Variants in PAK1 observed in about 807,000 individuals in gnomAD.
PAK1 encodes serine/threonine-protein kinase PAK 1.
Under a neutral mutation model 67.4 loss-of-function variants are expected in PAK1, and 29 were observed. The ratio of observed to expected loss-of-function variants is 0.43; its 90% CI spans 0.32 to 0.59. The LOEUF is 0.59. PAK1 is among the 20% of genes least tolerant of loss of function. The pLI is 0.07. For missense variants in PAK1, 337 were observed against 670.7 expected (o/e 0.50, Z 5.50); for synonymous variants, 223 against 237.4 (o/e 0.94, Z 0.56).
intron 1 of PAK1, among the ~76,000 whole-genome samples, chr11:77,427,618 T>C (rs1955618927): frequency 6.6e-6 from 1 of 152,126 alleles, no homozygotes; most frequent in African/African-American, 2.4e-5. Context: ...CCTTGACAAG[T>C]TCCATCAGCA....
intron 1 of PAK1, among the ~76,000 whole-genome samples, chr11:77,446,055 C>T (rs1956583802): frequency 6.6e-6 from 1 of 152,206 alleles, no homozygotes; most frequent in Admixed American, 6.5e-5. Context: ...CACTAGTCTG[C>T]AAGCTTCTCC....
intron 1 of PAK1, among the ~76,000 whole-genome samples, chr11:77,434,050 T>C (rs1244087356): frequency 6.6e-6 from 1 of 152,170 alleles, no homozygotes; most frequent in African/African-American, 2.4e-5. Flanking sequence ...AAATGTAAAA[T>C]GGTACAGCCC....
At chr11:77,413,969 ATCC>A (rs1207496028) in intron 1 of PAK1, among the ~76,000 whole-genome samples, 3 of 152,162 alleles carry the variant, frequency 2.0e-5, no homozygotes, top group African/African-American at 7.2e-5. Flanking sequence ...CCCATGCAGC[ATCC>A]TCTTATAGAT....
chr11:77,323,132 AAGGATCAAAGTCTTG>A lies in PAK1; in HGVS notation c.*127_*141del. The A allele has an allele frequency of 6.6e-7, 1 of 1,506,450 alleles. No homozygotes were observed. Among genetic ancestry groups the A allele is most frequent in the Admixed American group, 2.0e-5 (1 of 50,978 alleles). The allele number at this position is 1,506,450 out of a possible 1,614,324, so 93.3% of individuals were successfully genotyped here. On this transcript the variant is annotated 3_prime_UTR_variant, in exon 15 of 15. Transcript: ENST00000356341. ...CTTCAATGCTGGACACACGGTTTCC[AAGGATCAAAGTCTTG>A]AGGAGTGCTAGATCAGGAAATGGGA...
At position 77,355,861 on chromosome 11, in the gene PAK1, AT is replaced by A; in HGVS notation, c.598-20del. 6.2e-7 allele frequency: 1 copy of A among 1,608,700 alleles called. No individual in the cohort carries two copies. Among genetic ancestry groups the A allele is most frequent in the Non-Finnish European group, 8.5e-7 (1 of 1,175,780 alleles). ...TGTATACCTGCATTATTAGTGCAAA[AT>A]TTTGGCAAGACCAGCCTTTGTTAGC... On this transcript the variant is annotated intron_variant, in intron 6 of 14. Transcript: ENST00000356341.
chr11:77,431,364 T>C (rs1250726735), intron 1 of PAK1, among the ~76,000 whole-genome samples: 1 of 152,168 alleles, frequency 6.6e-6, no homozygotes, highest in East Asian at 1.9e-4. Flanking sequence ...AATAGAAGTG[T>C]TATTCTCTAA....
chr11:77,459,930 T>G (rs1396215104), intron 1 of PAK1, among the ~76,000 whole-genome samples: 1 of 151,786 alleles, frequency 6.6e-6, no homozygotes, highest in Non-Finnish European at 1.5e-5. Context: ...TCTCCTGACC[T>G]CGTGATCCGC....
At chr11:77,443,262 C>T (rs971827504) in intron 1 of PAK1, among the ~76,000 whole-genome samples, 2 of 150,204 alleles carry the variant, frequency 1.3e-5, no homozygotes, top group Admixed American at 6.6e-5. Flanking sequence ...TTGCAGTGAG[C>T]CGTGATCACT....
At chr11:77,521,585 C>G in the PAK1 span, among the ~76,000 whole-genome samples, 2 of 151,756 alleles carry the variant, frequency 1.3e-5, no homozygotes, top group African/African-American at 2.4e-5. Flanking sequence ...TATCATAAAC[C>G]GAATGTTAAG....
In PAK1 at chr11:77,322,673, G is replaced by A. The variant is rs576726765; in HGVS notation, c.*601C>T. The A allele has an allele frequency of 1.6e-5, 4 of 248,152 alleles. No homozygotes were observed. Among genetic ancestry groups the A allele is most frequent in the East Asian group, 6.3e-5 (1 of 15,946 alleles). The allele number at this position is 248,152 out of a possible 1,614,324, so 15.4% of individuals were successfully genotyped here. A position where few individuals can be genotyped will look rare whatever the true frequency, so the allele number is the denominator to read the frequency against. ...AACACTATTGGGTCAAGGTCCTCCC[G>A]AACAGCTGCTAGAAGCACACACAAA... On this transcript the variant is annotated 3_prime_UTR_variant, in exon 15 of 15. Coordinates refer to ENST00000356341, the MANE Select transcript of PAK1 (RefSeq NM_002576.5).
the PAK1 span, among the ~76,000 whole-genome samples, chr11:77,481,447 C>T: frequency 2.0e-4 from 30 of 152,038 alleles, no homozygotes; most frequent in African/African-American, 6.0e-4. Context: ...GAGGCCGAGG[C>T]GGGCGGATCA....
chr11:77,386,554 T>C (rs1950471352), intron 2 of PAK1, among the ~76,000 whole-genome samples: 1 of 152,190 alleles, frequency 6.6e-6, no homozygotes, highest in African/African-American at 2.4e-5. Flanking sequence ...CAATCATTTA[T>C]GCATCCCCCA....
chr11:77,494,596 A>AG, the PAK1 span, among the ~76,000 whole-genome samples: 1 of 152,082 alleles, frequency 6.6e-6, no homozygotes, highest in African/African-American at 2.4e-5. Flanking sequence ...CTATTAAAAA[A>AG]AAAAAAAAAA....
Position 77,392,340 on chromosome 11 carries a change from C to T in PAK1, c.181G>A (p.Gly61Arg). Reference sequence around the variant, plus strand: ...AAATCAAATACTATACTTTTATCTCCAGGTAAAATGGATCGGTAAAATCGG... The same window carrying T: ...AAATCAAATACTATACTTTTATCTCTAGGTAAAATGGATCGGTAAAATCGG... ...KDRFYRSILP[G>R]DKTNKKKEKE... is the part of the protein sequence containing the mutation. Residue 61 changes from glycine to arginine, a missense_variant, in exon 2 of 15, where the codon GGA becomes AGA. By Grantham distance (125) the Gly-to-Arg change is moderately radical (BLOSUM62 -2). Around this residue, in one of 8 missense-constraint regions of PAK1, gnomAD observed 43 missense variants for 141.5 expected, o/e 0.30. Transcript: ENST00000356341. 6.3e-7 allele frequency: 1 copy of T among 1,575,736 alleles called. No individual in the cohort carries two copies. The highest frequency in any genetic ancestry group is 8.6e-7 in the Non-Finnish European group (1 of 1,157,162).
intron 1 of PAK1, among the ~76,000 whole-genome samples, chr11:77,444,524 C>G (rs536407869): frequency 6.6e-6 from 1 of 152,196 alleles, no homozygotes; most frequent in African/African-American, 2.4e-5. Context: ...CCATCTAACT[C>G]TTTGTAAACT....
At chr11:77,326,058 AATGACAGTGC>A (rs1939750119) in intron 14 of PAK1, among the ~76,000 whole-genome samples, 2 of 152,188 alleles carry the variant, frequency 1.3e-5, no homozygotes, top group South Asian at 4.1e-4. Context: ...TACGAAAGCA[AATGACAGTGC>A]ATGCCTTCAT....
Position 77,392,522 on chromosome 11 carries a change from G to A in PAK1, c.-2C>T, listed in dbSNP as rs1951267526. ...AATGTCTAGGCCGTTATTTGACATTGTCACCACCAGCAGCAGCTACTAGAA... is the reference window on the plus strand; with the variant it reads ...AATGTCTAGGCCGTTATTTGACATTATCACCACCAGCAGCAGCTACTAGAA... On this transcript the variant is annotated 5_prime_UTR_variant, in exon 2 of 15. Transcript: ENST00000356341. 1 of 1,587,738 alleles carries A rather than the reference G, an allele frequency of 6.3e-7. No individual in the cohort carries two copies. Among genetic ancestry groups the A allele is most frequent in the Non-Finnish European group, 8.6e-7 (1 of 1,162,078 alleles).
the PAK1 span, among the ~76,000 whole-genome samples, chr11:77,483,401 T>C: frequency 6.6e-5 from 10 of 152,328 alleles, no homozygotes; most frequent in South Asian, 2.1e-3. Context: ...TATAGGGCTC[T>C]TTAAAAATTT....
the PAK1 span, among the ~76,000 whole-genome samples, chr11:77,512,031 TC>T: frequency 1.3e-5 from 2 of 152,110 alleles, no homozygotes; most frequent in Non-Finnish European, 2.9e-5. Context: ...GGAGGCCAGG[TC>T]CCCTCACTTT....
Sources: gnomAD v4.1 joint callset for allele counts (sites outside exome capture counted in the v4.1 genomes callset) on GRCh38, gnomAD v4.1.1 for gene constraint, gnomAD v4.1.1 regional missense constraint, MANE v1.5 for transcripts, NCBI Gene and HGNC (gene_info 2026-07-23, HGNC 2026-07-21) for gene names.